SYN3: variants seen among roughly 807,000 people sequenced by gnomAD.
SYN3 encodes synapsin-3.
In SYN3, 35 loss-of-function variants were observed where a neutral mutation model predicts 65.8. The ratio of observed to expected loss-of-function variants is 0.53; its 90% CI spans 0.41 to 0.70. The LOEUF (loss-of-function observed/expected upper bound fraction) is 0.70, where lower values mean the gene tolerates loss of function less well. Ranked by LOEUF, SYN3 falls within the 30% of genes least tolerant of loss-of-function variation. The pLI, the probability that SYN3 is intolerant of heterozygous loss-of-function variation, is 0.00. For synonymous variants in SYN3, 270 were observed against 292.9 expected (o/e 0.92, Z 0.80); for missense variants, 680 against 749.0 (o/e 0.91, Z 1.08).
At chr22:32,612,086 C>T (rs2059453028) in intron 6 of SYN3, among the ~76,000 whole-genome samples, 1 of 152,184 alleles carries the variant, frequency 6.6e-6, no homozygotes, top group Admixed American at 6.5e-5. Flanking sequence ...GTGATAGAAG[C>T]TCCTGTCCTT....
intron 4 of SYN3, among the ~76,000 whole-genome samples, chr22:32,930,761 T>C (rs1026060479): frequency 6.6e-6 from 1 of 152,220 alleles, no homozygotes; most frequent in East Asian, 1.9e-4. Context: ...TAGATAGCAA[T>C]GTATTCATAC....
chr22:32,948,847 T>G (rs577503694), intron 3 of SYN3, among the ~76,000 whole-genome samples: 4 of 150,008 alleles, frequency 2.7e-5, no homozygotes, highest in Non-Finnish European at 5.9e-5. Flanking sequence ...TGGAAACATT[T>G]TTTCATTAAA....
At chr22:32,606,918 TTACATATGTA>T (rs1213386071) in intron 6 of SYN3, among the ~76,000 whole-genome samples, 1 of 152,106 alleles carries the variant, frequency 6.6e-6, no homozygotes, top group African/African-American at 2.4e-5. Context: ...TGCAGGTTTG[TTACATATGTA>T]TACATGTGCC....
rs375360847 is a variant in SYN3, at chr22:32,663,131, T to G, written c.712-66395A>C. On this transcript the variant is annotated intron_variant, in intron 6 of 13. Transcript: ENST00000358763. ...GCATCCAGAAGTGAAATAAAAACAG[T>G]TGAGTTAGTTTTGTGTAGCATGGTT... Among the ~76,000 whole-genome samples the G allele has an allele frequency of 2.6e-5, 4 of 152,120 alleles. No individual in the cohort carries two copies. The South Asian group carries it at 6.2e-4, about 24-fold the overall frequency.
intron 7 of SYN3, among the ~76,000 whole-genome samples, chr22:32,591,670 T>C (rs1343676975): frequency 6.6e-6 from 1 of 152,190 alleles, no homozygotes; most frequent in Non-Finnish European, 1.5e-5. Flanking sequence ...AAAAAGGAAA[T>C]GAAGTTAGTT....
intron 6 of SYN3, among the ~76,000 whole-genome samples, chr22:32,729,709 A>C (rs529886471): frequency 6.6e-6 from 1 of 152,348 alleles, no homozygotes; most frequent in South Asian, 2.1e-4. Flanking sequence ...TTGAATTTAC[A>C]GCATCCACTT....
chr22:32,596,591 T>C, intron 7 of SYN3, 83 bp downstream of exon 7: 1 of 1,440,158 alleles, frequency 6.9e-7, no homozygotes, highest in Non-Finnish European at 9.7e-7. Context: ...AAGGGGTTGA[T>C]GGGTGACAGA....
chr22:32,663,335 G>A lies in SYN3; in HGVS notation c.712-66599C>T, dbSNP rs1187717151. On this transcript the variant is annotated intron_variant, in intron 6 of 13. Coordinates refer to ENST00000358763, the MANE Select transcript of SYN3 (RefSeq NM_003490.4). ...TTTTTTTTTTTTTGAGTCTCACTCT[G>A]TCGCCCAGGCTGGAGTGCAGTGGCG... Among the ~76,000 whole-genome samples, 5 of 136,442 alleles carry A rather than the reference G, an allele frequency of 3.7e-5. No homozygotes were observed. In the South Asian group the frequency reaches 1.1e-3, roughly 31 times the overall value. 89.5% of individuals were successfully genotyped at this position (136,442 alleles called of 152,430 possible). A position where few individuals can be genotyped will look rare whatever the true frequency, so the allele number is the denominator to read the frequency against.
intron 1 of SYN3, among the ~76,000 whole-genome samples, chr22:33,053,659 G>C (rs1033120798): frequency 1.3e-5 from 2 of 152,044 alleles, no homozygotes; most frequent in African/African-American, 4.8e-5. Flanking sequence ...CTCTTTCTTG[G>C]GCTAATTCCC....
At chr22:32,825,368 G>C (rs2146089747) in intron 6 of SYN3, among the ~76,000 whole-genome samples, 1 of 152,182 alleles carries the variant, frequency 6.6e-6, no homozygotes, top group Middle Eastern at 3.4e-3. Flanking sequence ...GCTAAGATGT[G>C]TGTATGTGTT....
intron 6 of SYN3, among the ~76,000 whole-genome samples, chr22:32,682,737 G>A (rs1175997283): frequency 8.1e-6 from 1 of 123,648 alleles, no homozygotes; most frequent in Non-Finnish European, 1.7e-5. Context: ...TGACGAATCA[G>A]TATTTATTCT....
chr22:32,558,536 A>C (rs1024911012), intron 7 of SYN3, among the ~76,000 whole-genome samples: 1 of 152,186 alleles, frequency 6.6e-6, no homozygotes, highest in Admixed American at 6.5e-5. Flanking sequence ...GGATGGAGGC[A>C]ACTTTTCCCT....
chr22:32,549,851 T>C (rs1383201412), intron 7 of SYN3, among the ~76,000 whole-genome samples: 1 of 149,586 alleles, frequency 6.7e-6, no homozygotes, highest in Non-Finnish European at 1.5e-5. Flanking sequence ...ATTGCACCGT[T>C]GTACTCCAGC....
At chr22:33,026,607 C>G (rs2053644504) in intron 1 of SYN3, among the ~76,000 whole-genome samples, 1 of 152,186 alleles carries the variant, frequency 6.6e-6, no homozygotes, top group South Asian at 2.1e-4. Flanking sequence ...CTCTATGAAG[C>G]CAGTTCCCAG....
At chr22:32,708,701 G>T (rs942135195) in intron 6 of SYN3, among the ~76,000 whole-genome samples, 18 of 152,158 alleles carry the variant, frequency 1.2e-4, no homozygotes, top group Admixed American at 1.0e-3. Context: ...TATCACTCTT[G>T]CCTCCCTCTC....
intron 12 of SYN3, among the ~76,000 whole-genome samples, chr22:32,525,704 G>A (rs1183196222): frequency 4.5e-5 from 6 of 132,538 alleles, no homozygotes; most frequent in African/African-American, 1.2e-4. Flanking sequence ...AGGAGACTCC[G>A]TCTCAAAAAA....
intron 8 of SYN3, among the ~76,000 whole-genome samples, chr22:32,538,953 G>C (rs1443802549): frequency 6.6e-6 from 1 of 152,112 alleles, no homozygotes; most frequent in African/African-American, 2.4e-5. Flanking sequence ...CAGGTAGTAG[G>C]TGCCCAGTAG....
At chr22:33,028,717 G>C (rs1376830585) in intron 1 of SYN3, among the ~76,000 whole-genome samples, 7 of 150,888 alleles carry the variant, frequency 4.6e-5, no homozygotes, top group Non-Finnish European at 5.9e-5. Context: ...TGGTGGTGGG[G>C]TTGCTACCAT....
intron 6 of SYN3, among the ~76,000 whole-genome samples, chr22:32,621,973 C>T (rs1340560798): frequency 6.6e-6 from 1 of 151,862 alleles, no homozygotes; most frequent in Non-Finnish European, 1.5e-5. Context: ...ATAGGTATAA[C>T]TCCTGATATA....
Sources: allele counts gnomAD v4.1 joint callset (sites outside exome capture counted in the v4.1 genomes callset), GRCh38; gene constraint gnomAD v4.1.1; transcripts MANE v1.5; gene names NCBI Gene and HGNC (gene_info 2026-07-23, HGNC 2026-07-21).